Variants in KLHL24 observed in about 807,000 individuals in gnomAD.
KLHL24 encodes the protein kelch-like protein 24.
A neutral mutation model predicts 53.4 loss-of-function variants in KLHL24; 29 were observed. The ratio of observed to expected loss-of-function variants is 0.54; its 90% CI spans 0.40 to 0.74. The LOEUF (loss-of-function observed/expected upper bound fraction) is 0.74, where lower values mean the gene tolerates loss of function less well. KLHL24 is among the 30% of genes least tolerant of loss of function. KLHL24 has a pLI of 0.00. For missense variants in KLHL24, 504 were observed against 744.0 expected (o/e 0.68, Z 3.75); for synonymous variants, 222 against 253.7 (o/e 0.88, Z 1.19).
In KLHL24 at chr3:183,663,309, G is replaced by A; in HGVS notation, c.921-149G>A. On this transcript the variant is annotated intron_variant, in intron 3 of 7. Transcript: ENST00000242810. This position sits in a 1 kb window ranked among gnomAD's most constrained non-coding sequence, Gnocchi z 4.9. ...ACGTTCTCAAAGTAAGTAATTTCCA[G>A]GCTGTACCGTTTGGCACATGCACAG... is the stretch of plus-strand genomic sequence containing the variant. 1 of 388,868 alleles carries A rather than the reference G, an allele frequency of 2.6e-6. No individual in the cohort carries two copies. Among genetic ancestry groups the A allele is most frequent in the Non-Finnish European group, 4.5e-6 (1 of 222,170 alleles). The allele number at this position is 388,868 out of a possible 1,614,324, so 24.1% of individuals were successfully genotyped here.
chr3:183,648,613 G>A (rs926331231), intron 2 of KLHL24, among the ~76,000 whole-genome samples: 1 of 152,170 alleles, frequency 6.6e-6, no homozygotes, highest in African/African-American at 2.4e-5. Flanking sequence ...GAGGTACCCT[G>A]AGTGATCTTA....
intron 3 of KLHL24, among the ~76,000 whole-genome samples, chr3:183,656,458 A>C (rs562772280): frequency 3.0e-4 from 46 of 152,348 alleles, no homozygotes; most frequent in Non-Finnish European, 5.7e-4. Context: ...CATTTGAGGT[A>C]GAAAAAGTTC....
chr3:183,675,712 C>T lies in KLHL24; in HGVS notation c.1602+3228C>T, dbSNP rs12494664. 3.5e-4 allele frequency among the ~76,000 whole-genome samples: 53 copies of T among 151,726 alleles called. 1 individual carries two copies. Among genetic ancestry groups the T allele is most frequent in the Non-Finnish European group, 8.8e-5 (6 of 67,968 alleles). On this transcript the variant is annotated intron_variant, in intron 7 of 7. Coordinates refer to ENST00000242810, the MANE Select transcript of KLHL24 (RefSeq NM_017644.3). ...CCTTGGGAAGCTGAGGCAGGAGGAT[C>T]ACCTGAGGCCAAGAGTTAGGGACCA... is the stretch of plus-strand genomic sequence containing the variant.
intron 5 of KLHL24, among the ~76,000 whole-genome samples, chr3:183,669,923 G>A (rs901815749): frequency 6.6e-6 from 1 of 152,160 alleles, no homozygotes; most frequent in African/African-American, 2.4e-5. Flanking sequence ...TAGCTATGGA[G>A]GGAAGAGTTA....
At chr3:183,658,231 C>A (rs115381645) in intron 3 of KLHL24, among the ~76,000 whole-genome samples, 2,182 of 137,082 alleles carry the variant, frequency 0.016, 52 homozygotes, top group African/African-American at 0.059. Context: ...AAAAAAAATT[C>A]TTTGCATAGT....
intron 3 of KLHL24, among the ~76,000 whole-genome samples, chr3:183,658,543 A>G (rs1719245987): frequency 6.6e-6 from 1 of 152,106 alleles, no homozygotes. Flanking sequence ...ATTCTTGTAC[A>G]TTATCTTTGC....
intron 6 of KLHL24, among the ~76,000 whole-genome samples, 177 bp from the exon 7 acceptor site, chr3:183,672,119 A>G (rs557070557): frequency 6.6e-6 from 1 of 152,142 alleles, no homozygotes; most frequent in African/African-American, 2.4e-5. Context: ...ATAAATTTGC[A>G]TTTTATTTGA....
At chr3:183,640,058 G>A (rs928765900) in intron 1 of KLHL24, among the ~76,000 whole-genome samples, 1 of 152,006 alleles carries the variant, frequency 6.6e-6, no homozygotes, top group African/African-American at 2.4e-5. Context: ...TTTTCTAACA[G>A]AAAACATAAC....
In KLHL24 at chr3:183,683,308, G is replaced by A. The variant is rs1419390574; in HGVS notation, c.*4022G>A. On this transcript the variant is annotated 3_prime_UTR_variant, in exon 8 of 8. Coordinates refer to ENST00000242810, the MANE Select transcript of KLHL24 (RefSeq NM_017644.3). ...TAATGTCTCTTTGAGGCTTCCTATG[G>A]ACTGCCTTTATTTTAGTAAACTCAA... is the stretch of plus-strand genomic sequence containing the variant. 6.6e-6 allele frequency: 1 copy of A among 152,570 alleles called. No homozygotes were observed. The highest frequency in any genetic ancestry group is 1.5e-5 in the Non-Finnish European group (1 of 68,030). The allele number at this position is 152,570 out of a possible 1,614,324, so 9.5% of individuals were successfully genotyped here.
Position 183,650,055 on chromosome 3 carries a change from C to T in KLHL24, c.-61-241C>T, listed in dbSNP as rs1349056076. On this transcript the variant is annotated intron_variant, in intron 2 of 7. Coordinates refer to ENST00000242810, the MANE Select transcript of KLHL24 (RefSeq NM_017644.3). The surrounding 1 kb of genome is among the most constrained non-coding windows in gnomAD (Gnocchi z 4.5). The stretch of plus-strand genomic sequence containing the variant: ...AAGGTTATTAGTAACTCACGAAGTA[C>T]ATAGTATCCTTTCAGCTAGAAAAGG... Among the ~76,000 whole-genome samples, 1 of 152,120 alleles carries T rather than the reference C, an allele frequency of 6.6e-6. No homozygotes were observed.
intron 2 of KLHL24, 86 bp downstream of exon 2, chr3:183,643,628 A>T (rs1716793894): frequency 6.6e-6 from 1 of 152,222 alleles, no homozygotes; most frequent in African/African-American, 2.4e-5. Flanking sequence ...GGATCACTTA[A>T]GCCAATCAGA....
In KLHL24 at chr3:183,671,162, C is replaced by G. The variant is rs1417015209; in HGVS notation, c.1353C>G (p.Ser451Arg). The change falls in exon 6 of 8, where the codon AGC becomes AGG. Residue 451 changes from serine (S) to arginine (R), a missense_variant. Transcript: ENST00000242810. ...CCGTGAGTTCTCCTGCAGTGACTAGCTGTGTAGGCAAACTGTTTGTGATTG... is the reference window on the plus strand; with the variant it reads ...CCGTGAGTTCTCCTGCAGTGACTAGGTGTGTAGGCAAACTGTTTGTGATTG... ...KEAVSSPAVT[S>R]CVGKLFVIGG... is the part of the protein sequence containing the mutation. The G allele has an allele frequency of 3.7e-6, 6 of 1,614,072 alleles. No individual in the cohort carries two copies. The highest frequency in any genetic ancestry group is 5.1e-6 in the Non-Finnish European group (6 of 1,180,000).
chr3:183,638,033 T>C (rs1426298207), intron 1 of KLHL24, among the ~76,000 whole-genome samples: 3 of 152,222 alleles, frequency 2.0e-5, no homozygotes, highest in Admixed American at 6.5e-5. Flanking sequence ...ACAGTTCCTA[T>C]TGGTTATGCA....
At chr3:183,645,372 A>G (rs780712685) in intron 2 of KLHL24, among the ~76,000 whole-genome samples, 1 of 152,232 alleles carries the variant, frequency 6.6e-6, no homozygotes, top group Non-Finnish European at 1.5e-5. Context: ...AGCATATTTG[A>G]TAGATACGCT....
intron 3 of KLHL24, among the ~76,000 whole-genome samples, chr3:183,656,786 G>A (rs532284085): frequency 5.3e-5 from 8 of 151,990 alleles, no homozygotes; most frequent in Non-Finnish European, 7.4e-5. Context: ...TGGGCCGGGC[G>A]CAGTGGCTCA....
intron 5 of KLHL24, among the ~76,000 whole-genome samples, chr3:183,668,320 G>A (rs192315027): frequency 2.0e-5 from 3 of 151,816 alleles, no homozygotes; most frequent in Admixed American, 2.0e-4. Context: ...TGTATGTATT[G>A]GTAAACTCAA....
At chr3:183,678,887 T>C (rs957989628) in intron 7 of KLHL24, among the ~76,000 whole-genome samples, 199 bp from the exon 8 acceptor site, 1 of 152,070 alleles carries the variant, frequency 6.6e-6, no homozygotes, top group Non-Finnish European at 1.5e-5. Flanking sequence ...ATAGCATCTA[T>C]CTTGAAATTC....
At chr3:183,665,704 C>G (rs970349994) in intron 5 of KLHL24, among the ~76,000 whole-genome samples, 1 of 151,906 alleles carries the variant, frequency 6.6e-6, no homozygotes, top group Non-Finnish European at 1.5e-5. Flanking sequence ...GAGCCAAGAT[C>G]GCACCACTGC....
chr3:183,684,029 T>C lies in KLHL24; in HGVS notation c.*4743T>C, dbSNP rs1712948320. On this transcript the variant is annotated 3_prime_UTR_variant, in exon 8 of 8. Coordinates refer to ENST00000242810, the MANE Select transcript of KLHL24 (RefSeq NM_017644.3). ...ATTCAGACAAATATCTATCTTACATTGATTAAACCCGTGTAAATTCATTTG... is the reference window on the plus strand; with the variant it reads ...ATTCAGACAAATATCTATCTTACATCGATTAAACCCGTGTAAATTCATTTG... 1 of 152,614 alleles carries C rather than the reference T, an allele frequency of 6.6e-6. No homozygotes were observed. The allele number at this position is 152,614 out of a possible 1,614,324, so 9.5% of individuals were successfully genotyped here.
Sources: allele counts gnomAD v4.1 joint callset (sites outside exome capture counted in the v4.1 genomes callset), GRCh38; gene constraint gnomAD v4.1.1; non-coding constraint Gnocchi (gnomAD v3.1); transcripts MANE v1.5; gene names NCBI Gene and HGNC (gene_info 2026-07-23, HGNC 2026-07-21).